PDIA6: variants seen among roughly 807,000 people sequenced by gnomAD.
PDIA6 encodes the protein protein disulfide-isomerase A6.
A neutral mutation model predicts 58.4 loss-of-function variants in PDIA6; 29 were observed. The ratio of observed to expected loss-of-function variants is 0.50; its 90% CI spans 0.37 to 0.68. The LOEUF (loss-of-function observed/expected upper bound fraction) is 0.68, where lower values mean the gene tolerates loss of function less well. Ranked by LOEUF, PDIA6 falls within the 30% of genes least tolerant of loss-of-function variation. The pLI, the probability that PDIA6 is intolerant of heterozygous loss-of-function variation, is 0.00. For synonymous variants in PDIA6, 192 were observed against 202.6 expected (o/e 0.95, Z 0.44); for missense variants, 480 against 551.0 (o/e 0.87, Z 1.29).
At chr2:10,807,525 A>G (rs1046012451) in intron 1 of PDIA6, among the ~76,000 whole-genome samples, 3 of 152,126 alleles carry the variant, frequency 2.0e-5, no homozygotes, top group Non-Finnish European at 2.9e-5. Flanking sequence ...ATTTCTATCT[A>G]TTCCTGTCTT....
Position 10,790,027 on chromosome 2 carries a change from G to C in PDIA6, c.700-138C>G, listed in dbSNP as rs906176556. The C allele has an allele frequency of 7.5e-6, 5 of 666,110 alleles. No individual in the cohort carries two copies. The Admixed American group carries it at 9.1e-5, about 12-fold the overall frequency. The allele number at this position is 666,110 out of a possible 1,614,324, so 41.3% of individuals were successfully genotyped here. A position where few individuals can be genotyped will look rare whatever the true frequency, so the allele number is the denominator to read the frequency against. The stretch of plus-strand genomic sequence containing the variant: ...GCAGTCTCACTCTGTTGCCCAGGCT[G>C]GAGAGCACAGGTGCAATCTCAGCTC... On this transcript the variant is annotated intron_variant, in intron 7 of 12. Coordinates refer to ENST00000272227, the MANE Select transcript of PDIA6 (RefSeq NM_005742.4).
At chr2:10,821,711 AC>A (rs1281834365) in intron 1 of PDIA6, among the ~76,000 whole-genome samples, 1 of 151,462 alleles carries the variant, frequency 6.6e-6, no homozygotes, top group Non-Finnish European at 1.5e-5. Context: ...TGCAGCCTTG[AC>A]CCCCTAGGCT....
intron 10 of PDIA6, 23 bp from the exon 11 acceptor site, chr2:10,787,462 A>G: frequency 6.3e-7 from 1 of 1,597,490 alleles, no homozygotes; most frequent in Non-Finnish European, 8.5e-7. Context: ...ACTGGTTTTT[A>G]GGGCAAATAT....
At chr2:10,811,833 C>A (rs1472004729) in intron 1 of PDIA6, among the ~76,000 whole-genome samples, 1 of 152,214 alleles carries the variant, frequency 6.6e-6, no homozygotes, top group African/African-American at 2.4e-5. Flanking sequence ...AGCGCCCCTG[C>A]GTCTTAAGCC....
chr2:10,806,925 T>A (rs1449164899), intron 1 of PDIA6, among the ~76,000 whole-genome samples: 1 of 152,204 alleles, frequency 6.6e-6, no homozygotes, highest in Non-Finnish European at 1.5e-5. Context: ...TTTTAGTAAG[T>A]TATGCCATCT....
rs1199889828 is a variant in PDIA6, at chr2:10,789,816, C to CTT, written c.771_772dup (p.Arg258LysfsTer65). Reference sequence around the variant, plus strand: ...AAGGGCCCGGGACACGATGTCGGATCTTGTCCGCCCACCGTCATAATCCAC... The same window carrying CTT: ...AAGGGCCCGGGACACGATGTCGGATCTTTTGTCCGCCCACCGTCATAATCCAC... On this transcript the variant is annotated frameshift_variant, in exon 8 of 13. Transcript: ENST00000272227. LOFTEE classifies it high-confidence loss of function. 2.5e-6 allele frequency: 4 copies of CTT among 1,613,716 alleles called. No individual in the cohort carries two copies. Among genetic ancestry groups the CTT allele is most frequent in the Non-Finnish European group, 2.5e-6 (3 of 1,179,866 alleles).
chr2:10,800,250 C>A (rs967004740), intron 2 of PDIA6, among the ~76,000 whole-genome samples: 1 of 152,182 alleles, frequency 6.6e-6, no homozygotes, highest in East Asian at 1.9e-4. Flanking sequence ...AAACCCACAA[C>A]CTGAAATGTT....
At position 10,806,071 on chromosome 2, in the gene PDIA6, A is replaced by G. The variant is rs1288444354; in HGVS notation, c.20-3431T>C. Among the ~76,000 whole-genome samples, 13 of 150,790 alleles carry G rather than the reference A, an allele frequency of 8.6e-5. No homozygotes were observed. The Admixed American group carries it at 8.7e-4, about 10-fold the overall frequency. On this transcript the variant is annotated intron_variant, in intron 1 of 12. Coordinates refer to ENST00000272227, the MANE Select transcript of PDIA6 (RefSeq NM_005742.4). ...GAAAAAAACCTTACAGAATACGGAT[A>G]TAAAAGAAAATACTGGCCAGGTGCT...
At chr2:10,784,530 C>T (rs1164092382) in intron 12 of PDIA6, 5 of 536,294 alleles carry the variant, frequency 9.3e-6, no homozygotes, top group Non-Finnish European at 1.6e-5. Flanking sequence ...TTCAACATCA[C>T]ATCACTCACC....
chr2:10,793,894 G>C (rs376300388), intron 4 of PDIA6, among the ~76,000 whole-genome samples: 1 of 152,326 alleles, frequency 6.6e-6, no homozygotes, highest in East Asian at 1.9e-4. Context: ...TTAAAGCCAA[G>C]TAACTGGAAA....
chr2:10,829,202 C>T (rs1734444), intron 1 of PDIA6, among the ~76,000 whole-genome samples: 68,042 of 152,034 alleles, frequency 0.45, 17,382 homozygotes, highest in East Asian at 0.78. Context: ...TGCCCACCTC[C>T]TCAGCTGTTT....
At position 10,784,489 on chromosome 2, in the gene PDIA6, G is replaced by A. The variant is rs1385352179; in HGVS notation, c.1255-163C>T. 3 of 565,554 alleles carry A rather than the reference G, an allele frequency of 5.3e-6. No individual in the cohort carries two copies. The African/African-American group carries it at 5.6e-5, about 11-fold the overall frequency. 35.0% of individuals were successfully genotyped at this position (565,554 alleles called of 1,614,324 possible). ...TGACCTTCGTACCTATGATTATACG[G>A]ATGGAAAAGCTCAGAACTCAGGTGA... On this transcript the variant is annotated intron_variant, in intron 12 of 12. Coordinates refer to ENST00000272227, the MANE Select transcript of PDIA6 (RefSeq NM_005742.4).
intron 11 of PDIA6, among the ~76,000 whole-genome samples, chr2:10,785,289 A>G (rs1284638139): frequency 6.6e-6 from 1 of 152,238 alleles, no homozygotes; most frequent in African/African-American, 2.4e-5. Flanking sequence ...GCTTTTAAAA[A>G]TAGCAGAGCA....
chr2:10,797,877 G>T, intron 2 of PDIA6, 120 bp from the exon 3 acceptor site: 1 of 737,602 alleles, frequency 1.4e-6, no homozygotes, highest in Non-Finnish European at 2.3e-6. Flanking sequence ...CTGCAAAGAG[G>T]ACAAGCACAA....
At chr2:10,815,357 T>A (rs905807761), upstream of PDIA6, 6 of 152,326 alleles carry the variant, frequency 3.9e-5, no homozygotes, top group Admixed American at 3.9e-4. Context: ...TACACTGCGG[T>A]ATTCCTCATG....
intron 1 of PDIA6, among the ~76,000 whole-genome samples, chr2:10,826,021 T>C (rs1734407): frequency 0.61 from 93,040 of 152,096 alleles, 28,917 homozygotes; most frequent in East Asian, 0.8. Flanking sequence ...CACATACAGG[T>C]ATGTTTTAGC....
upstream of PDIA6, among the ~76,000 whole-genome samples, chr2:10,835,530 G>T (rs116768633): frequency 0.029 from 4,441 of 152,304 alleles, 252 homozygotes; most frequent in African/African-American, 0.1. Context: ...CTGAAGGCAG[G>T]TGGGGCCCAG....
In PDIA6 at chr2:10,802,498, C is replaced by A. The variant is rs1272442375; in HGVS notation, c.161+1G>T. 1 of 1,370,536 alleles carries A rather than the reference C, an allele frequency of 7.3e-7. No homozygotes were observed. 84.9% of individuals were successfully genotyped at this position (1,370,536 alleles called of 1,614,324 possible). Reference sequence around the variant, plus strand: ...ATCTACAACTATTTTATAATACTTACCATGGAGCATAGAATTCTACAAGCC... The same window carrying A: ...ATCTACAACTATTTTATAATACTTAACATGGAGCATAGAATTCTACAAGCC... On this transcript the variant is annotated splice_donor_variant, in intron 2 of 12. Coordinates refer to ENST00000272227, the MANE Select transcript of PDIA6 (RefSeq NM_005742.4). LOFTEE classifies it high-confidence loss of function.
chr2:10,825,241 C>T lies in PDIA6; in HGVS notation c.-47-5887G>A, dbSNP rs202117410. 2.7e-4 allele frequency among the ~76,000 whole-genome samples: 41 copies of T among 149,696 alleles called. No homozygotes were observed. The East Asian group carries it at 7.4e-3, about 27-fold the overall frequency. ...ATCATGTGAGTTAATATTTTAAAAA[C>T]TCCTCTCTCTCTCTGTCTCTCTCTG... is the stretch of plus-strand genomic sequence containing the variant. On this transcript the variant is annotated intron_variant, in intron 1 of 13. Coordinates refer to the PDIA6 transcript ENST00000381611.
Sources: gnomAD v4.1 joint callset for allele counts (sites outside exome capture counted in the v4.1 genomes callset) on GRCh38, gnomAD v4.1.1 for gene constraint, MANE v1.5 for transcripts, NCBI Gene and HGNC (gene_info 2026-07-23, HGNC 2026-07-21) for gene names.